IMMP2L: variants seen among roughly 807,000 people sequenced by gnomAD.
IMMP2L encodes inner mitochondrial membrane peptidase subunit 2.
A neutral mutation model predicts 19.3 loss-of-function variants in IMMP2L; 18 were observed. That is an observed-to-expected ratio of 0.93 (90% CI 0.64 to 1.38). The LOEUF is 1.38. IMMP2L is among the 40% of genes most tolerant of loss of function. IMMP2L has a pLI of 0.00. For synonymous variants in IMMP2L, 76 were observed against 73.0 expected (o/e 1.04, Z -0.21); for missense variants, 233 against 218.2 (o/e 1.07, Z -0.43).
At chr7:110,773,839 T>TC (rs1276637918) in intron 5 of IMMP2L, among the ~76,000 whole-genome samples, 5 of 151,394 alleles carry the variant, frequency 3.3e-5, no homozygotes, top group African/African-American at 1.2e-4. Flanking sequence ...TTTTTTTTTT[T>TC]TTTAGTTTCT....
intron 5 of IMMP2L, among the ~76,000 whole-genome samples, chr7:110,814,428 T>TAA (rs1236520497): frequency 1.5e-5 from 2 of 133,610 alleles, no homozygotes; most frequent in Non-Finnish European, 1.6e-5. Context: ...AATATCAAAG[T>TAA]AAAAAAAAAA....
intron 3 of IMMP2L, among the ~76,000 whole-genome samples, chr7:111,329,882 C>A (rs1459531129): frequency 2.6e-5 from 4 of 151,594 alleles, no homozygotes; most frequent in Non-Finnish European, 4.4e-5. Flanking sequence ...TACAGATAAA[C>A]AAAAACCTAG....
In IMMP2L at chr7:111,468,971, T is replaced by C. The variant is rs930910124; in HGVS notation, c.239+18267A>G. ...TTGAGAAGTCTGAGGAATATCATCA[T>C]ACACATATATCCAATGGAGAGCTAA... On this transcript the variant is annotated intron_variant, in intron 3 of 5. Transcript: ENST00000405709. 1.1e-4 allele frequency among the ~76,000 whole-genome samples: 16 copies of C among 152,230 alleles called. 1 individual carries two copies. The highest frequency in any genetic ancestry group is 2.1e-4 in the Non-Finnish European group (14 of 68,008).
chr7:111,016,228 T>A (rs888695321), intron 3 of IMMP2L, among the ~76,000 whole-genome samples: 2 of 151,180 alleles, frequency 1.3e-5, no homozygotes, highest in Admixed American at 6.6e-5. Flanking sequence ...TTGTGTTTCA[T>A]CTAGGTTAAA....
intron 3 of IMMP2L, among the ~76,000 whole-genome samples, chr7:111,186,406 A>G (rs547214180): frequency 6.6e-6 from 1 of 151,710 alleles, no homozygotes; most frequent in Admixed American, 6.6e-5. Flanking sequence ...TTTTTTAAGC[A>G]TCTAGAACCA....
At chr7:111,559,429 C>G (rs1791757858) in intron 1 of IMMP2L, among the ~76,000 whole-genome samples, 1 of 152,150 alleles carries the variant, frequency 6.6e-6, no homozygotes, top group Non-Finnish European at 1.5e-5. Context: ...GTCTTTCTCA[C>G]TTTAAGAATA....
intron 3 of IMMP2L, among the ~76,000 whole-genome samples, chr7:111,073,304 T>C (rs1795118020): frequency 6.6e-6 from 1 of 151,998 alleles, no homozygotes. Flanking sequence ...AGAGCAAGAA[T>C]GAGAGTGGGT....
chr7:111,410,261 T>C (rs754142776), intron 3 of IMMP2L, among the ~76,000 whole-genome samples: 5 of 151,668 alleles, frequency 3.3e-5, no homozygotes, highest in Admixed American at 6.6e-5. Flanking sequence ...GTAGTGAGTC[T>C]AAACTAGCTC....
At chr7:110,961,441 T>A (rs1221360454) in intron 4 of IMMP2L, among the ~76,000 whole-genome samples, 1 of 151,716 alleles carries the variant, frequency 6.6e-6, no homozygotes, top group East Asian at 1.9e-4. Flanking sequence ...TGTTTTTTTT[T>A]TTTTTCAGTA....
chr7:111,031,569 A>C (rs1184717008), intron 3 of IMMP2L, among the ~76,000 whole-genome samples: 1 of 152,176 alleles, frequency 6.6e-6, no homozygotes, highest in Non-Finnish European at 1.5e-5. Context: ...ACAAGCCTAC[A>C]CAGATATAAA....
chr7:110,940,333 A>G (rs1264723913), intron 4 of IMMP2L, among the ~76,000 whole-genome samples: 1 of 146,022 alleles, frequency 6.8e-6, no homozygotes, highest in Non-Finnish European at 1.5e-5. Flanking sequence ...AAAAAAAAAA[A>G]GTTAAAATAA....
At chr7:111,249,445 G>T (rs987626608) in intron 3 of IMMP2L, among the ~76,000 whole-genome samples, 1 of 149,296 alleles carries the variant, frequency 6.7e-6, no homozygotes, top group Non-Finnish European at 1.5e-5. Flanking sequence ...AGATGAACCC[G>T]GTACCTCAGA....
chr7:110,813,748 A>ATT (rs3051188), intron 5 of IMMP2L, among the ~76,000 whole-genome samples: 121,073 of 149,598 alleles, frequency 0.81, 49,742 homozygotes, highest in East Asian at 0.99. Context: ...ACACACCAGG[A>ATT]TTTTTTTTTT....
chr7:111,500,140 G>T (rs550911597), intron 2 of IMMP2L, among the ~76,000 whole-genome samples: 1 of 152,092 alleles, frequency 6.6e-6, no homozygotes, highest in East Asian at 1.9e-4. Context: ...TTAAAAAAAC[G>T]GCATACCAGG....
At chr7:110,903,601 T>A (rs1454461651) in intron 4 of IMMP2L, among the ~76,000 whole-genome samples, 2 of 152,218 alleles carry the variant, frequency 1.3e-5, no homozygotes, top group Non-Finnish European at 2.9e-5. Flanking sequence ...TCCTTCTTTT[T>A]AAGAATAGTA....
intron 5 of IMMP2L, among the ~76,000 whole-genome samples, chr7:110,767,536 G>A (rs1798748704): frequency 6.6e-6 from 1 of 152,044 alleles, no homozygotes; most frequent in Non-Finnish European, 1.5e-5. Flanking sequence ...CACTTCTCCT[G>A]CACACATCTC....
At chr7:111,446,301 G>A (rs1334565287) in intron 3 of IMMP2L, among the ~76,000 whole-genome samples, 1 of 148,410 alleles carries the variant, frequency 6.7e-6, no homozygotes, top group Non-Finnish European at 1.5e-5. Flanking sequence ...AGACTTAAAT[G>A]TCCCTGTCTG....
chr7:110,806,240 T>C (rs1163499572), intron 5 of IMMP2L, among the ~76,000 whole-genome samples: 1 of 146,596 alleles, frequency 6.8e-6, no homozygotes, highest in Non-Finnish European at 1.5e-5. Flanking sequence ...AGTTGGTTCA[T>C]GTTCTGGCTC....
intron 3 of IMMP2L, among the ~76,000 whole-genome samples, chr7:111,354,581 G>A (rs1027147350): frequency 1.3e-5 from 2 of 150,290 alleles, no homozygotes; most frequent in Non-Finnish European, 3.0e-5. Flanking sequence ...GATGTATAAG[G>A]CTTTAAAAAA....
Sources: allele counts gnomAD v4.1 joint callset (sites outside exome capture counted in the v4.1 genomes callset), GRCh38; gene constraint gnomAD v4.1.1; transcripts MANE v1.5; gene names NCBI Gene and HGNC (gene_info 2026-07-23, HGNC 2026-07-21).